ASCC3: variants seen among roughly 807,000 people sequenced by gnomAD.
ASCC3 encodes the protein ASC-1 complex subunit P200.
A neutral mutation model predicts 256.3 loss-of-function variants in ASCC3; 158 were observed. The ratio of observed to expected loss-of-function variants is 0.62; its 90% confidence interval spans 0.54 to 0.70. The LOEUF is 0.70. Ranked by LOEUF, ASCC3 falls within the 30% of genes least tolerant of loss-of-function variation. The pLI, the probability that ASCC3 is intolerant of heterozygous loss-of-function variation, is 0.00. For synonymous variants in ASCC3, 948 were observed against 883.4 expected, an observed-to-expected ratio of 1.07 and a Z score of -1.30; for missense variants, 2,259 against 2,626.0, an observed-to-expected ratio of 0.86 and a Z score of 3.05.
chr6:100,682,958 T>C (rs1229949183), intron 13 of ASCC3, among the ~76,000 whole-genome samples: 1 of 152,140 alleles, frequency 6.6e-6, no homozygotes, highest in Non-Finnish European at 1.5e-5. Flanking sequence ...GGGAGGGGTC[T>C]AGAAATTGAA....
intron 4 of ASCC3, among the ~76,000 whole-genome samples, chr6:100,822,697 T>C (rs377754083): frequency 6.6e-6 from 1 of 151,704 alleles, no homozygotes; most frequent in Non-Finnish European, 1.5e-5. Flanking sequence ...CATACCTACA[T>C]AGTTACTTTC....
chr6:100,510,758 T>A (rs1773719701), intron 40 of ASCC3, among the ~76,000 whole-genome samples: 1 of 152,196 alleles, frequency 6.6e-6, no homozygotes, highest in Non-Finnish European at 1.5e-5. Flanking sequence ...ATAAATATAA[T>A]GATCGCACTT....
At chr6:100,645,693 A>T (rs1775344794) in intron 22 of ASCC3, among the ~76,000 whole-genome samples, 1 of 152,148 alleles carries the variant, frequency 6.6e-6, no homozygotes, top group Non-Finnish European at 1.5e-5. Context: ...ATAGATCTTT[A>T]AAAAATGTTG....
rs983736483 is a variant in ASCC3 at position 100,655,965 on chromosome 6, CTT to C, written c.2704-149_2704-148del. The C allele has an allele frequency of 8.4e-6, 7 of 830,682 alleles. No individual in the cohort carries two copies. The African/African-American group carries it at 1.0e-4, about 12-fold the overall frequency. The allele number at this position is 830,682 out of a possible 1,614,324, so 51.5% of individuals were successfully genotyped here. On this transcript the variant is annotated intron_variant, in intron 16 of 41. Transcript: ENST00000369162. ...GTAGGCATAGTGACTGGACACAACA[CTT>C]TGCCAATTAATTAAAATCAGTCCTG...
At chr6:100,833,044 G>A (rs1180607666) in intron 4 of ASCC3, among the ~76,000 whole-genome samples, 1 of 151,904 alleles carries the variant, frequency 6.6e-6, no homozygotes, top group Non-Finnish European at 1.5e-5. Context: ...AAACTTAGAA[G>A]CAACCAACAT....
chr6:100,779,716 G>A (rs1004460965), intron 8 of ASCC3, among the ~76,000 whole-genome samples: 1 of 152,236 alleles, frequency 6.6e-6, no homozygotes, highest in African/African-American at 2.4e-5. Flanking sequence ...GGGACAGGTA[G>A]GTTTATGGAT....
chr6:100,760,270 T>C (rs1039191093), intron 10 of ASCC3, among the ~76,000 whole-genome samples: 1 of 152,300 alleles, frequency 6.6e-6, no homozygotes, highest in South Asian at 2.1e-4. Flanking sequence ...CCATTCAATA[T>C]GATATTCGCT....
At chr6:100,553,752 C>G (rs1769421599) in intron 36 of ASCC3, among the ~76,000 whole-genome samples, 1 of 152,092 alleles carries the variant, frequency 6.6e-6, no homozygotes, top group East Asian at 1.9e-4. Context: ...ATGGTCCCTG[C>G]TGTTCTCTGA....
chr6:100,543,002 A>T (rs1210887719), intron 36 of ASCC3, among the ~76,000 whole-genome samples: 1 of 152,196 alleles, frequency 6.6e-6, no homozygotes, highest in South Asian at 2.1e-4. Flanking sequence ...TGCATTATGG[A>T]GTTTAAAATA....
chr6:100,766,192 T>C (rs1158394009), intron 10 of ASCC3, among the ~76,000 whole-genome samples: 2 of 152,198 alleles, frequency 1.3e-5, no homozygotes, highest in Non-Finnish European at 2.9e-5. Context: ...TAAGCCATTC[T>C]TATGGAATAG....
chr6:100,829,518 C>T (rs554549459), intron 4 of ASCC3, among the ~76,000 whole-genome samples: 41 of 152,250 alleles, frequency 2.7e-4, no homozygotes, highest in African/African-American at 9.6e-4. Flanking sequence ...ACATGGAATT[C>T]GCACTGGCCC....
chr6:100,824,313 T>C (rs1489670713), intron 4 of ASCC3, among the ~76,000 whole-genome samples: 1 of 152,198 alleles, frequency 6.6e-6, no homozygotes, highest in Non-Finnish European at 1.5e-5. Context: ...AAAAGTTTTG[T>C]CAGTTCCATT....
intron 10 of ASCC3, among the ~76,000 whole-genome samples, chr6:100,753,523 T>C (rs1249577539): frequency 6.7e-6 from 1 of 148,460 alleles, no homozygotes; most frequent in African/African-American, 2.5e-5. Flanking sequence ...AAAAAAACAG[T>C]CTTGCTATTA....
At chr6:100,818,300 G>C (rs1770853106) in intron 4 of ASCC3, among the ~76,000 whole-genome samples, 1 of 152,080 alleles carries the variant, frequency 6.6e-6, no homozygotes, top group South Asian at 2.1e-4. Context: ...CAGGCACGGT[G>C]GTTCATGCTT....
chr6:100,771,744 C>T (rs1781932653), intron 8 of ASCC3, among the ~76,000 whole-genome samples: 1 of 149,688 alleles, frequency 6.7e-6, no homozygotes, highest in Admixed American at 6.6e-5. Flanking sequence ...AAAAAATTGG[C>T]AAAATGTTTA....
intron 36 of ASCC3, among the ~76,000 whole-genome samples, chr6:100,553,152 G>GT (rs1357806796): frequency 1.3e-5 from 2 of 151,954 alleles, no homozygotes; most frequent in Non-Finnish European, 2.9e-5. Flanking sequence ...TACGGAGGAG[G>GT]TTTTTTACTT....
chr6:100,871,827 CTT>C (rs1480734743), intron 1 of ASCC3, among the ~76,000 whole-genome samples: 2 of 152,142 alleles, frequency 1.3e-5, no homozygotes, highest in Non-Finnish European at 2.9e-5. Flanking sequence ...GAATACAACT[CTT>C]TTATTGAAAG....
rs767141160 is a variant in ASCC3 at position 100,848,170 on chromosome 6, C to G, written c.779G>C (p.Ser260Thr). ...TACCTCATCCTGAAGTTCATCACCA[C>G]TTTTAATAGAAGCAAGCATATCATA... ...TLYDMLASIK[S>T]GDELQDELFE... is the part of the protein sequence containing the mutation. Residue 260 changes from serine to threonine, a missense_variant, in exon 4 of 42, where the codon AGT becomes ACT. By Grantham distance (58) the Ser-to-Thr change is moderately conservative. This residue lies in a region of ASCC3 where 420 missense variants were observed against 419.3 expected (regional missense o/e 1.00). Transcript: ENST00000369162. 1 of 1,597,936 alleles carries G rather than the reference C, an allele frequency of 6.3e-7. No individual in the cohort carries two copies. The highest frequency in any genetic ancestry group is 1.8e-5 in the Admixed American group (1 of 56,646).
Position 100,798,763 on chromosome 6 carries a change from T to G in ASCC3, c.1345A>C (p.Met449Leu). ...EEVRIPYSEPMPLSFEEKPVY... is the reference protein window; with the variant it reads ...EEVRIPYSEPLPLSFEEKPVY... The stretch of plus-strand genomic sequence containing the variant: ...GGCTTTTCCTCAAAGCTGAGTGGCA[T>G]TGGTTCGCTGTAGGGAATCCTTACT... The change falls in exon 8 of 42, where the codon ATG (methionine) becomes CTG (leucine). Residue 449 changes from methionine (M) to leucine (L), a missense_variant. Around this residue, in one of 2 missense-constraint regions of ASCC3, gnomAD observed 1,839 missense variants for 2,206.7 expected, o/e 0.83. Coordinates refer to ENST00000369162, the MANE Select transcript of ASCC3 (RefSeq NM_006828.4). 6.2e-7 allele frequency: 1 copy of G among 1,613,206 alleles called. No individual in the cohort carries two copies. Among genetic ancestry groups the G allele is most frequent in the Non-Finnish European group, 8.5e-7 (1 of 1,179,564 alleles).
Sources: allele counts gnomAD v4.1 joint callset (sites outside exome capture counted in the v4.1 genomes callset), GRCh38; gene constraint gnomAD v4.1.1; regional missense constraint gnomAD v4.1.1; transcripts MANE v1.5; gene names NCBI Gene and HGNC (gene_info 2026-07-23, HGNC 2026-07-21).